The following USP25 variants were observed in gnomAD, a reference collection of about 807,000 sequenced individuals.
USP25 encodes ubiquitin specific peptidase 25, also known as ubiquitin carboxyl-terminal hydrolase 25.
A neutral mutation model predicts 158.5 loss-of-function variants in USP25; 85 were observed. The ratio of observed to expected loss-of-function variants is 0.54; its 90% CI spans 0.45 to 0.64. The LOEUF is 0.64. Ranked by LOEUF, USP25 falls within the 30% of genes least tolerant of loss-of-function variation. The pLI is 0.00. For synonymous variants in USP25, 464 were observed against 460.4 expected (o/e 1.01, Z -0.10); for missense variants, 1,242 against 1,327.3 (o/e 0.94, Z 1.00).
Position 15,778,763 on chromosome 21 carries a change from G to T in USP25, c.392+736G>T, listed in dbSNP as rs190895666. Among the ~76,000 whole-genome samples, 259 of 152,202 alleles carry T rather than the reference G, an allele frequency of 1.7e-3. 3 individuals are homozygous for T. The highest frequency in any genetic ancestry group is 1.5e-3 in the Non-Finnish European group (105 of 67,944). On this transcript the variant is annotated intron_variant, in intron 4 of 25. Coordinates refer to ENST00000400183, the MANE Select transcript of USP25 (RefSeq NM_001283041.3). ...TAATAATTTAATAAGCCATAAAGTT[G>T]TAACTAACTGTAATCCTCTAAACAA...
intron 6 of USP25, among the ~76,000 whole-genome samples, chr21:15,804,299 A>G (rs1419307870): frequency 6.6e-6 from 1 of 151,636 alleles, no homozygotes; most frequent in Non-Finnish European, 1.5e-5. Flanking sequence ...TTATTGAGAA[A>G]CAAAAGTAAG....
chr21:15,854,944 G>T (rs531362724), intron 20 of USP25, among the ~76,000 whole-genome samples: 106 of 152,264 alleles, frequency 7.0e-4, no homozygotes, highest in African/African-American at 2.5e-3. Context: ...AATAATAGTG[G>T]CTTACGGAGA....
chr21:15,774,280 G>C (rs918448495), intron 3 of USP25, among the ~76,000 whole-genome samples: 8 of 152,112 alleles, frequency 5.3e-5, no homozygotes, highest in African/African-American at 1.7e-4. Context: ...AATTTGAAAA[G>C]ATTTCTTTTT....
At chr21:15,805,077 T>A in intron 6 of USP25, 44 bp from the exon 7 acceptor site, 1 of 1,528,610 alleles carries the variant, frequency 6.5e-7, no homozygotes, top group Non-Finnish European at 8.7e-7. Context: ...ATTTTCTTAA[T>A]CTTCAGTTAA....
At chr21:15,782,604 A>G (rs966313790) in intron 4 of USP25, among the ~76,000 whole-genome samples, 3 of 152,138 alleles carry the variant, frequency 2.0e-5, no homozygotes, top group South Asian at 2.1e-4. Context: ...GGGCTTCTGC[A>G]TACTAAGTCA....
chr21:15,751,664 G>A (rs1046555823), intron 1 of USP25, among the ~76,000 whole-genome samples: 6 of 152,176 alleles, frequency 3.9e-5, no homozygotes, highest in African/African-American at 1.4e-4. Context: ...TTACCTACTT[G>A]TTTTCCAGAA....
chr21:15,730,411 C>T lies in USP25; in HGVS notation c.18C>T (p.Asn6=). MTVEQ[N]VLQQSAAQKH... ...CGGGGGCCATGACCGTGGAGCAGAA[C>T]GTGCTGCAGCAGAGCGCGGCGCAGA... is the stretch of plus-strand genomic sequence containing the variant. The change falls in exon 1 of 26, where the codon AAC becomes AAT. Residue 6 remains asparagine, a synonymous_variant. Coordinates refer to ENST00000400183, the MANE Select transcript of USP25 (RefSeq NM_001283041.3). The T allele has an allele frequency of 8.2e-6, 11 of 1,346,860 alleles. No individual in the cohort carries two copies. The highest frequency in any genetic ancestry group is 1.9e-5 in the South Asian group (1 of 53,376). 83.4% of individuals were successfully genotyped at this position (1,346,860 alleles called of 1,614,324 possible).
intron 1 of USP25, among the ~76,000 whole-genome samples, chr21:15,750,840 T>A (rs2032957450): frequency 6.9e-6 from 1 of 145,460 alleles, no homozygotes; most frequent in Admixed American, 6.6e-5. Context: ...TCTCCTGACC[T>A]TGTGATCCGT....
At chr21:15,764,829 C>T (rs534280952) in intron 2 of USP25, among the ~76,000 whole-genome samples, 2 of 151,954 alleles carry the variant, frequency 1.3e-5, no homozygotes, top group Non-Finnish European at 2.9e-5. Context: ...AGTGGTGGTG[C>T]CTTTGAAACT....
chr21:15,863,568 T>G (rs1601167875), intron 20 of USP25, among the ~76,000 whole-genome samples: 1 of 152,328 alleles, frequency 6.6e-6, no homozygotes, highest in Admixed American at 6.5e-5. Context: ...AAACTGATGC[T>G]TAGAAAGGTA....
At chr21:15,811,259 T>A in intron 9 of USP25, 49 bp downstream of exon 9, 4 of 1,481,018 alleles carry the variant, frequency 2.7e-6, no homozygotes, top group Non-Finnish European at 3.7e-6. Context: ...AGATTATTAT[T>A]CATTCATTCG....
At chr21:15,874,338 TATAGCTGACTTTGTTTCTACAA>T in intron 23 of USP25, 43 bp from the exon 24 acceptor site, 1 of 1,390,766 alleles carries the variant, frequency 7.2e-7, no homozygotes, top group South Asian at 1.3e-5. Flanking sequence ...GTTTCATAAT[TATAGCTGACTTTGTTTCTACAA>T]AGGTGAAATA....
At chr21:15,812,460 A>G (rs1016716227) in intron 9 of USP25, among the ~76,000 whole-genome samples, 3 of 152,066 alleles carry the variant, frequency 2.0e-5, no homozygotes, top group Non-Finnish European at 4.4e-5. Flanking sequence ...CATCCTGGCT[A>G]ACACGGTGAA....
At chr21:15,730,578 C>G in intron 1 of USP25, 140 bp downstream of exon 1, 1 of 1,043,120 alleles carries the variant, frequency 9.6e-7, no homozygotes, top group Admixed American at 4.8e-5. Context: ...CTGCCCATCG[C>G]CTCGGGGGCG....
chr21:15,833,652 C>CAG, intron 17 of USP25, 104 bp downstream of exon 17: 2 of 1,027,594 alleles, frequency 1.9e-6, no homozygotes, highest in Non-Finnish European at 2.8e-6. Context: ...GTGAGGAAAT[C>CAG]AGTAGAAATC....
At chr21:15,733,945 T>A (rs1225723081) in intron 1 of USP25, among the ~76,000 whole-genome samples, 1 of 152,224 alleles carries the variant, frequency 6.6e-6, no homozygotes, top group African/African-American at 2.4e-5. Flanking sequence ...GTGGGATAGA[T>A]CTCAACCACC....
chr21:15,876,342 G>C (rs1489444345), intron 24 of USP25: 1 of 152,130 alleles, frequency 6.6e-6, no homozygotes, highest in East Asian at 1.9e-4. Context: ...TATAAAGAAA[G>C]TGAAGCTAAC....
At position 15,819,196 on chromosome 21, in the gene USP25, T is replaced by C. The variant is rs191924246; in HGVS notation, c.1080+350T>C. On this transcript the variant is annotated intron_variant, in intron 10 of 25. Transcript: ENST00000400183. ...ATTACAGTGGATTTTAAAACAGATA[T>C]ATGCTACTTATATCAACTGTTATTG... Among the ~76,000 whole-genome samples the C allele has an allele frequency of 3.0e-3, 464 of 152,346 alleles. 3 individuals carry two copies. Among genetic ancestry groups the C allele is most frequent in the Non-Finnish European group, 3.1e-3 (209 of 68,020 alleles).
intron 22 of USP25, among the ~76,000 whole-genome samples, chr21:15,867,097 A>AT (rs1389177076): frequency 2.0e-5 from 3 of 152,046 alleles, no homozygotes; most frequent in African/African-American, 4.8e-5. Flanking sequence ...TGCTTGTGGG[A>AT]TTTTTTTGTG....
Sources: gnomAD v4.1 joint callset for allele counts (sites outside exome capture counted in the v4.1 genomes callset) on GRCh38, gnomAD v4.1.1 for gene constraint, MANE v1.5 for transcripts, NCBI Gene and HGNC (gene_info 2026-07-23, HGNC 2026-07-21) for gene names.